LRFN5: variants seen among roughly 807,000 people sequenced by gnomAD.
The protein encoded by LRFN5 is leucine-rich repeat and fibronectin type-III domain-containing protein 5.
In LRFN5, 24 loss-of-function variants were observed where a neutral mutation model predicts 45.6. That is an observed-to-expected ratio of 0.53 (90% CI 0.38 to 0.74). The LOEUF is 0.74. Ranked by LOEUF, LRFN5 falls within the 30% of genes least tolerant of loss-of-function variation. The pLI, the probability that LRFN5 is intolerant of heterozygous loss-of-function variation, is 0.00. For synonymous variants in LRFN5, 340 were observed against 313.8 expected (o/e 1.08, Z -0.88); for missense variants, 776 against 861.5 (o/e 0.90, Z 1.24).
intron 1 of LRFN5, among the ~76,000 whole-genome samples, chr14:41,623,476 A>T (rs1888210862): frequency 6.6e-6 from 1 of 152,120 alleles, no homozygotes; most frequent in East Asian, 1.9e-4. Flanking sequence ...ATTTAAAAAA[A>T]ATTCTCTGTA....
At chr14:41,641,898 T>C (rs1879596936) in intron 1 of LRFN5, among the ~76,000 whole-genome samples, 1 of 152,154 alleles carries the variant, frequency 6.6e-6, no homozygotes, top group African/African-American at 2.4e-5. Flanking sequence ...TGCATCAGCA[T>C]AAAAGCCTCT....
At chr14:41,719,306 T>A (rs538190762) in intron 1 of LRFN5, among the ~76,000 whole-genome samples, 1 of 152,280 alleles carries the variant, frequency 6.6e-6, no homozygotes, top group African/African-American at 2.4e-5. Flanking sequence ...TAGTAGATTT[T>A]AAGTAAGTGG....
intron 1 of LRFN5, among the ~76,000 whole-genome samples, chr14:41,638,311 G>A (rs1879399222): frequency 1.3e-5 from 2 of 152,118 alleles, no homozygotes; most frequent in South Asian, 4.1e-4. Context: ...ATTGGCCCAA[G>A]CAAGAGCTGT....
At chr14:41,731,367 T>C (rs1009581776) in intron 1 of LRFN5, 16 of 152,164 alleles carry the variant, frequency 1.1e-4, no homozygotes, top group African/African-American at 3.4e-4. Flanking sequence ...AGTCCCATTC[T>C]TGGCTACCTT....
intron 1 of LRFN5, among the ~76,000 whole-genome samples, chr14:41,747,882 A>G (rs77184263): frequency 0.013 from 1,927 of 152,150 alleles, 11 homozygotes; most frequent in Middle Eastern, 0.034. Flanking sequence ...AGATATACAG[A>G]TGGAAAACAA....
At chr14:41,685,343 T>C (rs8010939) in intron 1 of LRFN5, among the ~76,000 whole-genome samples, 92,456 of 151,454 alleles carry the variant, frequency 0.61, 29,677 homozygotes, top group East Asian at 0.98. Context: ...GAGATACCTG[T>C]ACCCCCATAT....
At chr14:41,613,565 G>A (rs539416362) in intron 1 of LRFN5, among the ~76,000 whole-genome samples, 28 of 151,684 alleles carry the variant, frequency 1.8e-4, no homozygotes, top group African/African-American at 6.5e-4. Flanking sequence ...TTCGAAAATG[G>A]CATTATAATC....
At chr14:41,785,966 C>A (rs1164054782) in intron 2 of LRFN5, among the ~76,000 whole-genome samples, 3 of 152,130 alleles carry the variant, frequency 2.0e-5, no homozygotes, top group African/African-American at 7.2e-5. Context: ...CACTGCTCGC[C>A]TCCTGCTGTG....
At chr14:41,632,648 A>C (rs1425816349) in intron 1 of LRFN5, among the ~76,000 whole-genome samples, 1 of 152,202 alleles carries the variant, frequency 6.6e-6, no homozygotes, top group Non-Finnish European at 1.5e-5. Context: ...ACATTTATAC[A>C]GATGAGGAAC....
At position 41,622,125 on chromosome 14, in the gene LRFN5, C is replaced by T. The variant is rs545025572; in HGVS notation, c.-197+13563C>T. The stretch of plus-strand genomic sequence containing the variant: ...TTGTCCTCTCTTTCTCTTTCCATCC[C>T]TCTTTTTTTTTTTTCATTTCTTTCA... On this transcript the variant is annotated intron_variant, in intron 1 of 5. Coordinates refer to ENST00000298119, the MANE Select transcript of LRFN5 (RefSeq NM_152447.5). Among the ~76,000 whole-genome samples, 60 of 108,716 alleles carry T rather than the reference C, an allele frequency of 5.5e-4. 1 individual carries two copies. In the South Asian group the frequency reaches 0.013, roughly 24 times the overall value. The allele number at this position is 108,716 out of a possible 152,430, so 71.3% of individuals were successfully genotyped here.
At chr14:41,775,093 C>CTTTTTTTTT (rs59438733) in intron 2 of LRFN5, among the ~76,000 whole-genome samples, 16,638 of 111,620 alleles carry the variant, frequency 0.15, 2,109 homozygotes, top group East Asian at 0.5. Flanking sequence ...TTTTCTTTTT[C>CTTTTTTTTT]TTTTTTTTTT....
chr14:41,855,166 A>G (rs1044329463), intron 2 of LRFN5, among the ~76,000 whole-genome samples: 1 of 152,204 alleles, frequency 6.6e-6, no homozygotes, highest in Non-Finnish European at 1.5e-5. Context: ...AGGGTGAGAA[A>G]CGGCATGATC....
chr14:41,888,121 T>C, intron 3 of LRFN5, 111 bp downstream of exon 3: 1 of 791,420 alleles, frequency 1.3e-6, no homozygotes, highest in Non-Finnish European at 2.0e-6. Flanking sequence ...TGTAATTCCA[T>C]ATTTTAAAGT....
At chr14:41,661,454 C>A (rs1880650146) in intron 1 of LRFN5, among the ~76,000 whole-genome samples, 1 of 151,894 alleles carries the variant, frequency 6.6e-6, no homozygotes, top group African/African-American at 2.4e-5. Context: ...TGGTTCAAGG[C>A]CTACATTTTG....
chr14:41,679,241 A>T (rs1303630153), intron 1 of LRFN5, among the ~76,000 whole-genome samples: 1 of 152,196 alleles, frequency 6.6e-6, no homozygotes, highest in Non-Finnish European at 1.5e-5. Context: ...CAATGGACTT[A>T]GCAGCCATGC....
intron 2 of LRFN5, among the ~76,000 whole-genome samples, chr14:41,826,925 ATAAG>A (rs1233226563): frequency 6.6e-6 from 1 of 152,190 alleles, no homozygotes; most frequent in Non-Finnish European, 1.5e-5. Context: ...GATTCACAAA[ATAAG>A]TAATTATTTT....
At chr14:41,795,370 G>A (rs866169823) in intron 2 of LRFN5, among the ~76,000 whole-genome samples, 12 of 152,196 alleles carry the variant, frequency 7.9e-5, no homozygotes, top group Admixed American at 2.6e-4. Context: ...TCAGTGTGGA[G>A]ATTCCTCAGG....
intron 1 of LRFN5, among the ~76,000 whole-genome samples, chr14:41,648,513 A>G (rs1475263466): frequency 1.3e-5 from 2 of 152,174 alleles, no homozygotes; most frequent in East Asian, 3.9e-4. Context: ...TGAAAAATAA[A>G]ATGGCTGTGT....
intron 2 of LRFN5, among the ~76,000 whole-genome samples, chr14:41,817,078 A>G (rs1049895838): frequency 6.6e-6 from 1 of 150,710 alleles, no homozygotes; most frequent in African/African-American, 2.4e-5. Context: ...AAGCCCATGA[A>G]GGTAATTCTT....
Sources: allele counts gnomAD v4.1 joint callset (sites outside exome capture counted in the v4.1 genomes callset), GRCh38; gene constraint gnomAD v4.1.1; transcripts MANE v1.5; gene names NCBI Gene and HGNC (gene_info 2026-07-23, HGNC 2026-07-21).